Variants in KCNMB4 observed in about 807,000 individuals in gnomAD.
KCNMB4 encodes the protein calcium-activated potassium channel subunit beta-4.
A neutral mutation model predicts 20.7 loss-of-function variants in KCNMB4; 3 were observed. That is an observed-to-expected ratio of 0.14 (90% CI 0.07 to 0.37). The LOEUF is 0.37. KCNMB4 is among the 10% of genes least tolerant of loss of function. KCNMB4 has a pLI of 1.00. For synonymous variants in KCNMB4, 110 were observed against 113.4 expected, an observed-to-expected ratio of 0.97 and a Z score of 0.19; for missense variants, 168 against 265.9, an observed-to-expected ratio of 0.63 and a Z score of 2.56.
rs61303899 is a variant in KCNMB4, at chr12:70,421,470, G to GA, written c.465-8992dup. 6.9e-3 allele frequency among the ~76,000 whole-genome samples: 524 copies of GA among 75,668 alleles called. 7 individuals carry two copies. The highest frequency in any genetic ancestry group is 0.017 in the African/African-American group (329 of 19,308). The allele number at this position is 75,668 out of a possible 152,430, so 49.6% of individuals were successfully genotyped here. ...CAGAGTGAGACCTTGTCTCAAAAAA[G>GA]AAAAAAAAAAAAAAAAAAAAAAACT... On this transcript the variant is annotated intron_variant, in intron 2 of 2. Transcript: ENST00000258111.
At chr12:70,396,016 A>G (rs1459674717) in intron 1 of KCNMB4, among the ~76,000 whole-genome samples, 1 of 152,230 alleles carries the variant, frequency 6.6e-6, no homozygotes, top group Non-Finnish European at 1.5e-5. Flanking sequence ...GGAACAAGCA[A>G]AGACTTACAG....
intron 1 of KCNMB4, among the ~76,000 whole-genome samples, chr12:70,385,317 G>A (rs988890724): frequency 2.0e-5 from 3 of 152,126 alleles, no homozygotes; most frequent in African/African-American, 7.2e-5. Flanking sequence ...ACAGTGTTGT[G>A]GTGGGGTGCA....
chr12:70,367,663 G>A (rs1274939526), intron 1 of KCNMB4, among the ~76,000 whole-genome samples: 1 of 152,084 alleles, frequency 6.6e-6, no homozygotes, highest in African/African-American at 2.4e-5. Context: ...TCCATTTTGG[G>A]AAGTACAGAG....
At chr12:70,421,574 TTTTA>T (rs200612643) in intron 2 of KCNMB4, among the ~76,000 whole-genome samples, 6 of 149,912 alleles carry the variant, frequency 4.0e-5, no homozygotes, top group East Asian at 3.9e-4. Context: ...CTCCAAGGGT[TTTTA>T]TTTATTTATT....
chr12:70,385,015 A>G (rs999905216), intron 1 of KCNMB4, among the ~76,000 whole-genome samples: 3 of 152,084 alleles, frequency 2.0e-5, no homozygotes, highest in African/African-American at 7.2e-5. Flanking sequence ...GCTGAGGACT[A>G]TAGATGATAT....
At chr12:70,410,326 A>C (rs1346038242) in intron 2 of KCNMB4, among the ~76,000 whole-genome samples, 1 of 152,114 alleles carries the variant, frequency 6.6e-6, no homozygotes, top group Admixed American at 6.5e-5. Flanking sequence ...TTACTGTGTA[A>C]CCTTCTCCCA....
chr12:70,387,768 T>C (rs1404881538), intron 1 of KCNMB4, among the ~76,000 whole-genome samples: 1 of 152,004 alleles, frequency 6.6e-6, no homozygotes, highest in Non-Finnish European at 1.5e-5. Context: ...CATAAGCACA[T>C]CATGGAGAAT....
chr12:70,392,104 T>C (rs1868304706), intron 1 of KCNMB4, among the ~76,000 whole-genome samples: 1 of 152,192 alleles, frequency 6.6e-6, no homozygotes, highest in African/African-American at 2.4e-5. Context: ...TATCCATACA[T>C]ACACACATTG....
chr12:70,378,722 A>C (rs2136118266), intron 1 of KCNMB4, among the ~76,000 whole-genome samples: 1 of 152,106 alleles, frequency 6.6e-6, no homozygotes, highest in African/African-American at 2.4e-5. Context: ...TTTTTAGTAG[A>C]GACAAGGCTT....
In KCNMB4 at chr12:70,400,390, A is replaced by G; in HGVS notation, c.464+54A>G. 5.8e-6 allele frequency: 9 copies of G among 1,553,076 alleles called. No homozygotes were observed. The East Asian group carries it at 6.9e-5, about 12-fold the overall frequency. ...AAATTGTTTGTAGACTCTGCAGCTTATTACACTGTTATATCGTAGATTATG... is the reference window on the plus strand; with the variant it reads ...AAATTGTTTGTAGACTCTGCAGCTTGTTACACTGTTATATCGTAGATTATG... On this transcript the variant is annotated intron_variant, in intron 2 of 2. Transcript: ENST00000258111.
At chr12:70,396,698 T>C (rs1868354755) in intron 1 of KCNMB4, among the ~76,000 whole-genome samples, 1 of 152,232 alleles carries the variant, frequency 6.6e-6, no homozygotes, top group African/African-American at 2.4e-5. Context: ...AATGCAACAC[T>C]TGACATATAG....
chr12:70,398,414 C>G (rs189571203), intron 1 of KCNMB4, among the ~76,000 whole-genome samples: 66 of 152,264 alleles, frequency 4.3e-4, no homozygotes, highest in African/African-American at 1.3e-3. Context: ...CTAATGGTCT[C>G]CATTGCTTCC....
chr12:70,375,368 C>G (rs1466585251), intron 1 of KCNMB4, among the ~76,000 whole-genome samples: 7 of 151,886 alleles, frequency 4.6e-5, no homozygotes, highest in African/African-American at 1.7e-4. Flanking sequence ...AGCGTGGTGG[C>G]TCACACCTGT....
At position 70,432,970 on chromosome 12, in the gene KCNMB4, C is replaced by T. The variant is rs1259288074; in HGVS notation, c.*2317C>T. The T allele has an allele frequency of 6.6e-6, 1 of 152,274 alleles. No individual in the cohort carries two copies. Among genetic ancestry groups the T allele is most frequent in the Middle Eastern group, 3.4e-3 (1 of 294 alleles). The allele number at this position is 152,274 out of a possible 1,614,324, so 9.4% of individuals were successfully genotyped here. ...TCAGTTTGATATTCATGCATTTACACTAAACGCTTCCATTTATCCCGAAAA... is the reference window on the plus strand; with the variant it reads ...TCAGTTTGATATTCATGCATTTACATTAAACGCTTCCATTTATCCCGAAAA... On this transcript the variant is annotated 3_prime_UTR_variant, in exon 3 of 3. Transcript: ENST00000258111.
intron 1 of KCNMB4, among the ~76,000 whole-genome samples, chr12:70,372,140 T>C (rs1883607453): frequency 6.6e-6 from 1 of 152,118 alleles, no homozygotes; most frequent in African/African-American, 2.4e-5. Context: ...GCAAAGGCCC[T>C]GTGACAAGTG....
intron 2 of KCNMB4, among the ~76,000 whole-genome samples, chr12:70,429,404 C>T (rs529967109): frequency 4.6e-4 from 70 of 152,186 alleles, no homozygotes; most frequent in Middle Eastern, 6.8e-3. Context: ...CGGTGACTCA[C>T]GCCTGTAATG....
At chr12:70,377,807 A>G (rs576256287) in intron 1 of KCNMB4, among the ~76,000 whole-genome samples, 2 of 152,344 alleles carry the variant, frequency 1.3e-5, no homozygotes, top group East Asian at 3.9e-4. Flanking sequence ...CATTTTCACC[A>G]GAAGTGGAGT....
At chr12:70,378,697 C>T (rs372062885) in intron 1 of KCNMB4, among the ~76,000 whole-genome samples, 53 of 152,018 alleles carry the variant, frequency 3.5e-4, no homozygotes, top group African/African-American at 4.1e-4. Flanking sequence ...CCACCATGCC[C>T]GGCTAATTTT....
intron 1 of KCNMB4, among the ~76,000 whole-genome samples, chr12:70,398,371 A>G (rs892854750): frequency 6.6e-6 from 1 of 152,176 alleles, no homozygotes; most frequent in African/African-American, 2.4e-5. Context: ...CCCAAGGCCT[A>G]ACACCTAATA....
Sources: allele counts gnomAD v4.1 joint callset (sites outside exome capture counted in the v4.1 genomes callset), GRCh38; gene constraint gnomAD v4.1.1; transcripts MANE v1.5; gene names NCBI Gene and HGNC (gene_info 2026-07-23, HGNC 2026-07-21).